Variants in PLEKHA8 observed in about 807,000 individuals in gnomAD.
PLEKHA8 encodes the protein pleckstrin homology domain-containing family A member 8.
PLEKHA8 carries 36 observed loss-of-function variants against 68.2 expected under a neutral mutation model. The ratio of observed to expected loss-of-function variants is 0.53; its 90% confidence interval spans 0.40 to 0.70. The LOEUF is 0.70. PLEKHA8 is among the 30% of genes least tolerant of loss of function. PLEKHA8 has a pLI of 0.00. For synonymous variants in PLEKHA8, 211 were observed against 216.1 expected (o/e 0.98, Z 0.20); for missense variants, 505 against 615.4 (o/e 0.82, Z 1.90).
At chr7:30,101,900 G>A (rs1795866885) in intron 13 of PLEKHA8, among the ~76,000 whole-genome samples, 1 of 152,068 alleles carries the variant, frequency 6.6e-6, no homozygotes, top group Non-Finnish European at 1.5e-5. Flanking sequence ...GACACTAAAA[G>A]CATGAACAAC....
At chr7:30,067,222 C>G (rs372938611) in intron 12 of PLEKHA8, among the ~76,000 whole-genome samples, 1 of 152,192 alleles carries the variant, frequency 6.6e-6, no homozygotes, top group Non-Finnish European at 1.5e-5. Context: ...CATGCCAAAG[C>G]GCTTTGGGAG....
rs1358486705 is a variant in PLEKHA8 at position 30,079,459 on chromosome 7, A to G, written c.*672A>G. On this transcript the variant is annotated 3_prime_UTR_variant, in exon 14 of 14. Transcript: ENST00000449726. ...GCCCTAGCCCCAAGTTGGAGGGGAG[A>G]ATATGAGAGAGGTGGGACAGGTCAT... is the stretch of plus-strand genomic sequence containing the variant. 1.0e-6 allele frequency: 1 copy of G among 985,258 alleles called. No homozygotes were observed. The highest frequency in any genetic ancestry group is 1.2e-6 in the Non-Finnish European group (1 of 829,948). The allele number at this position is 985,258 out of a possible 1,614,324, so 61.0% of individuals were successfully genotyped here. A position where few individuals can be genotyped will look rare whatever the true frequency, so the allele number is the denominator to read the frequency against.
intron 13 of PLEKHA8, among the ~76,000 whole-genome samples, chr7:30,108,083 A>ACAAAAAAAAAAAAC (rs1554281877): frequency 2.1e-5 from 3 of 144,460 alleles, no homozygotes; most frequent in Non-Finnish European, 3.1e-5. Context: ...AAAAAAAAAA[A>ACAAAAAAAAAAAAC]AAAAAAAAAC....
chr7:30,074,270 G>GTGTGTGTGTA (rs1294120734), intron 13 of PLEKHA8, 138 bp downstream of exon 13: 2 of 647,528 alleles, frequency 3.1e-6, no homozygotes, highest in Non-Finnish European at 2.6e-6. Context: ...GTGTGTGTGT[G>GTGTGTGTGTA]TGTATGTGTG....
At chr7:30,084,713 G>A (rs1023160382), downstream of PLEKHA8, 51 of 825,242 alleles carry the variant, frequency 6.2e-5, no homozygotes, top group Admixed American at 3.7e-4. Context: ...AAAAAGTCTC[G>A]TTTATGGAAC....
chr7:30,058,352 C>T (rs866005686), intron 9 of PLEKHA8, among the ~76,000 whole-genome samples: 65 of 151,968 alleles, frequency 4.3e-4, no homozygotes, highest in African/African-American at 1.5e-3. Flanking sequence ...AAATCTTTAC[C>T]TATCCCAAAG....
At chr7:30,115,653 CAT>C (rs1796429804) in intron 13 of PLEKHA8, among the ~76,000 whole-genome samples, 1 of 151,906 alleles carries the variant, frequency 6.6e-6, no homozygotes, top group Admixed American at 6.5e-5. Flanking sequence ...CACATGTACA[CAT>C]ACATGTATAC....
In PLEKHA8 at chr7:30,084,401, G is replaced by A; in HGVS notation, c.*5614G>A. The A allele has an allele frequency of 1.0e-6, 1 of 985,378 alleles. No individual in the cohort carries two copies. The highest frequency in any genetic ancestry group is 4.7e-5 in the South Asian group (1 of 21,292). The allele number at this position is 985,378 out of a possible 1,614,324, so 61.0% of individuals were successfully genotyped here. ...GTAGAAGGCAAGTTAAACTATAAAA[G>A]TGTCAAGTGGCTTGTTAACTTCTTA... is the stretch of plus-strand genomic sequence containing the variant. On this transcript the variant is annotated 3_prime_UTR_variant, in exon 14 of 14. Transcript: ENST00000449726.
chr7:30,074,062 C>A lies in PLEKHA8; in HGVS notation c.1301-9C>A, dbSNP rs770279580. ...AAGTGTTCCTCATGGAGTTTTTCTT[C>A]TTTTCAAGATAATGCATATGGTAAA... On this transcript the variant is annotated splice_polypyrimidine_tract_variant and intron_variant, in intron 12 of 13. Coordinates refer to ENST00000449726, the MANE Select transcript of PLEKHA8 (RefSeq NM_001197026.2). The A allele has an allele frequency of 1.9e-6, 3 of 1,606,326 alleles. No homozygotes were observed. Among genetic ancestry groups the A allele is most frequent in the Non-Finnish European group, 2.6e-6 (3 of 1,175,976 alleles).
At chr7:30,101,027 TA>T (rs1358815593) in intron 13 of PLEKHA8, among the ~76,000 whole-genome samples, 3 of 151,862 alleles carry the variant, frequency 2.0e-5, no homozygotes, top group Non-Finnish European at 4.4e-5. Context: ...CCGTCTCTAC[TA>T]AAAATACAAA....
intron 13 of PLEKHA8, among the ~76,000 whole-genome samples, chr7:30,126,952 TATCATA>T (rs1370609672): frequency 6.6e-5 from 10 of 152,236 alleles, no homozygotes; most frequent in Non-Finnish European, 1.3e-4. Flanking sequence ...AGCCAAACCA[TATCATA>T]AACTGAAATG....
chr7:30,077,258 C>T (rs1320553657), intron 13 of PLEKHA8, among the ~76,000 whole-genome samples: 1 of 152,142 alleles, frequency 6.6e-6, no homozygotes, highest in Non-Finnish European at 1.5e-5. Context: ...TTTTTCCCCA[C>T]ATTCTGAAAT....
At chr7:30,121,094 A>G (rs1235165601) in intron 13 of PLEKHA8, among the ~76,000 whole-genome samples, 1 of 152,226 alleles carries the variant, frequency 6.6e-6, no homozygotes, top group East Asian at 1.9e-4. Context: ...ACCAAAGGAT[A>G]CATACTGTGA....
At chr7:30,047,024 G>A (rs1792012699) in intron 3 of PLEKHA8, among the ~76,000 whole-genome samples, 1 of 152,186 alleles carries the variant, frequency 6.6e-6, no homozygotes, top group African/African-American at 2.4e-5. Context: ...GGCCCTAAAT[G>A]TACCCTGAAG....
At chr7:30,065,342 T>A (rs1173796284) in intron 12 of PLEKHA8, among the ~76,000 whole-genome samples, 2 of 152,324 alleles carry the variant, frequency 1.3e-5, no homozygotes, top group Non-Finnish European at 2.9e-5. Context: ...ATCCCTAGTT[T>A]CTTGCTGCTG....
At chr7:30,124,411 T>C (rs191218275) in intron 13 of PLEKHA8, among the ~76,000 whole-genome samples, 2 of 152,272 alleles carry the variant, frequency 1.3e-5, no homozygotes, top group Non-Finnish European at 2.9e-5. Context: ...TAAAGAAAAA[T>C]GTCAGTTTGT....
chr7:30,079,229 T>C lies in PLEKHA8; in HGVS notation c.*442T>C. ...TTTGGAGGTAGTATAAGCTGCTTTG[T>C]TGAAGCTGTGTAGAGTTTGCTGTTC... On this transcript the variant is annotated 3_prime_UTR_variant, in exon 14 of 14. Coordinates refer to ENST00000449726, the MANE Select transcript of PLEKHA8 (RefSeq NM_001197026.2). 1.0e-6 allele frequency: 1 copy of C among 998,232 alleles called. No individual in the cohort carries two copies. The allele number at this position is 998,232 out of a possible 1,614,324, so 61.8% of individuals were successfully genotyped here.
At chr7:30,090,960 A>G (rs972390013), downstream of PLEKHA8, among the ~76,000 whole-genome samples, 1 of 152,182 alleles carries the variant, frequency 6.6e-6, no homozygotes, top group Non-Finnish European at 1.5e-5. Flanking sequence ...AAGGAGTTTG[A>G]GACCAGCTTG....
chr7:30,066,956 G>A (rs1793890414), intron 12 of PLEKHA8, among the ~76,000 whole-genome samples: 3 of 152,148 alleles, frequency 2.0e-5, no homozygotes, highest in South Asian at 2.1e-4. Context: ...TCATAAGTTG[G>A]CCATTCTGAA....
Sources: gnomAD v4.1 joint callset for allele counts (sites outside exome capture counted in the v4.1 genomes callset) on GRCh38, gnomAD v4.1.1 for gene constraint, MANE v1.5 for transcripts, NCBI Gene and HGNC (gene_info 2026-07-23, HGNC 2026-07-21) for gene names.